Variants in UGT3A2 observed in about 807,000 individuals in gnomAD.
The protein encoded by UGT3A2 is UDP glycosyltransferase family 3 member A2.
A neutral mutation model predicts 39.8 loss-of-function variants in UGT3A2; 32 were observed. The ratio of observed to expected loss-of-function variants is 0.80; its 90% CI spans 0.61 to 1.08. UGT3A2 has a LOEUF of 1.08. UGT3A2 is among the 50% of genes least tolerant of loss of function. The pLI is 0.00. For missense variants in UGT3A2, 611 were observed against 637.1 expected, an observed-to-expected ratio of 0.96 and a Z score of 0.44; for synonymous variants, 241 against 230.7, an observed-to-expected ratio of 1.04 and a Z score of -0.40.
At chr5:36,039,368 A>G in intron 5 of UGT3A2, 109 bp downstream of exon 5, 2 of 1,103,226 alleles carry the variant, frequency 1.8e-6, no homozygotes, top group South Asian at 2.8e-5. Context: ...ACTGAGCCTT[A>G]CCTGTACCAT....
chr5:36,035,667 CAAACAGA>C lies in UGT3A2; in HGVS notation c.*24_*30del. Reference sequence around the variant, plus strand: ...CCCTAGAAATGGTGACATCGCCCACCAAACAGACCCCGCCAAGGCTGCACCTGGCCTT... The same window carrying C: ...CCCTAGAAATGGTGACATCGCCCACCCCCCGCCAAGGCTGCACCTGGCCTT... On this transcript the variant is annotated 3_prime_UTR_variant, in exon 7 of 7. Transcript: ENST00000282507. 6.2e-7 allele frequency: 1 copy of C among 1,602,194 alleles called. No homozygotes were observed. Among genetic ancestry groups the C allele is most frequent in the Non-Finnish European group, 8.5e-7 (1 of 1,171,668 alleles).
chr5:36,055,524 G>A (rs947460670), intron 2 of UGT3A2, among the ~76,000 whole-genome samples: 3 of 152,120 alleles, frequency 2.0e-5, no homozygotes, highest in African/African-American at 7.2e-5. Flanking sequence ...GAGCCACTGT[G>A]CCCGGCCTAG....
At chr5:36,042,288 T>C (rs2111705934) in intron 4 of UGT3A2, among the ~76,000 whole-genome samples, 1 of 152,248 alleles carries the variant, frequency 6.6e-6, no homozygotes, top group South Asian at 2.1e-4. Context: ...TTTGTTTCTT[T>C]TTGCAATCAA....
At chr5:36,042,728 G>A (rs762211029) in intron 4 of UGT3A2, among the ~76,000 whole-genome samples, 15 of 151,964 alleles carry the variant, frequency 9.9e-5, no homozygotes, top group Non-Finnish European at 1.9e-4. Flanking sequence ...AAAAAAGAAG[G>A]AGTAGCTATA....
chr5:36,052,011 A>C, intron 2 of UGT3A2, 27 bp from the exon 3 acceptor site: 3 of 1,469,860 alleles, frequency 2.0e-6, no homozygotes, highest in Non-Finnish European at 2.8e-6. Flanking sequence ...GGGTTAAAAA[A>C]AAAGTTAAAT....
chr5:36,049,957 C>G (rs996447804), intron 3 of UGT3A2, among the ~76,000 whole-genome samples: 1 of 152,098 alleles, frequency 6.6e-6, no homozygotes, highest in African/African-American at 2.4e-5. Flanking sequence ...CCAAAAATCT[C>G]AGCCGAAAAT....
chr5:36,037,647 G>T, intron 6 of UGT3A2, 150 bp downstream of exon 6: 1 of 763,600 alleles, frequency 1.3e-6, no homozygotes, highest in Non-Finnish European at 2.1e-6. Flanking sequence ...GTCAGCTGTT[G>T]GCATCACACA....
intron 4 of UGT3A2, among the ~76,000 whole-genome samples, chr5:36,042,094 A>ACT (rs1742026773): frequency 6.6e-6 from 1 of 152,058 alleles, no homozygotes; most frequent in South Asian, 2.1e-4. Flanking sequence ...GAAATTCTGG[A>ACT]GTTGAAAATG....
At chr5:36,056,049 T>G (rs1030652543) in intron 2 of UGT3A2, among the ~76,000 whole-genome samples, 2 of 152,236 alleles carry the variant, frequency 1.3e-5, no homozygotes, top group African/African-American at 4.8e-5. Flanking sequence ...CACACATCTT[T>G]ACGAGATAGT....
chr5:36,041,619 G>A (rs1561490077), intron 4 of UGT3A2, among the ~76,000 whole-genome samples: 1 of 152,130 alleles, frequency 6.6e-6, no homozygotes, highest in Non-Finnish European at 1.5e-5. Context: ...AATTCTCCTG[G>A]CTCTTACCTA....
At chr5:36,051,573 G>A (rs1158110286) in intron 3 of UGT3A2, among the ~76,000 whole-genome samples, 2 of 152,190 alleles carry the variant, frequency 1.3e-5, no homozygotes, top group Non-Finnish European at 2.9e-5. Context: ...GGAAGTCCCA[G>A]AAGAAACAAT....
At chr5:36,055,635 T>A (rs1399469750) in intron 2 of UGT3A2, among the ~76,000 whole-genome samples, 1 of 152,184 alleles carries the variant, frequency 6.6e-6, no homozygotes, top group Admixed American at 6.5e-5. Context: ...ACCATTAAAA[T>A]CTTTTATCTG....
chr5:36,047,270 T>C (rs1320978646), intron 4 of UGT3A2, among the ~76,000 whole-genome samples: 1 of 152,220 alleles, frequency 6.6e-6, no homozygotes, highest in Non-Finnish European at 1.5e-5. Flanking sequence ...CCCAACCACC[T>C]TGGGCACATG....
intron 3 of UGT3A2, among the ~76,000 whole-genome samples, chr5:36,049,782 T>A (rs1742284210): frequency 6.6e-6 from 1 of 152,034 alleles, no homozygotes; most frequent in Admixed American, 6.6e-5. Context: ...ACACATGGAG[T>A]TTTTATGAGT....
intron 2 of UGT3A2, among the ~76,000 whole-genome samples, chr5:36,058,293 T>A (rs756419924): frequency 6.6e-6 from 1 of 152,312 alleles, no homozygotes; most frequent in African/African-American, 2.4e-5. Flanking sequence ...TATTGTATCA[T>A]TTCACTTATA....
chr5:36,057,373 C>A (rs1205330937), intron 2 of UGT3A2, among the ~76,000 whole-genome samples: 2 of 152,106 alleles, frequency 1.3e-5, no homozygotes, highest in East Asian at 3.9e-4. Context: ...TCAGAGACAT[C>A]CATGATGAGG....
chr5:36,040,434 T>A (rs1580997608), intron 4 of UGT3A2, among the ~76,000 whole-genome samples: 1 of 152,154 alleles, frequency 6.6e-6, no homozygotes, highest in East Asian at 1.9e-4. Context: ...CAATCACCAT[T>A]CCTGGTTTTA....
At chr5:36,045,308 A>G (rs1306047456) in intron 4 of UGT3A2, among the ~76,000 whole-genome samples, 3 of 152,222 alleles carry the variant, frequency 2.0e-5, no homozygotes, top group African/African-American at 7.2e-5. Context: ...TCTATATCTC[A>G]TCATATACAA....
intron 6 of UGT3A2, among the ~76,000 whole-genome samples, chr5:36,036,424 T>A (rs1473411480): frequency 1.3e-5 from 2 of 152,220 alleles, no homozygotes; most frequent in Admixed American, 6.5e-5. Flanking sequence ...TGCATATTTG[T>A]ACCACATAAT....
Sources: gnomAD v4.1 joint callset for allele counts (sites outside exome capture counted in the v4.1 genomes callset) on GRCh38, gnomAD v4.1.1 for gene constraint, MANE v1.5 for transcripts, NCBI Gene and HGNC (gene_info 2026-07-23, HGNC 2026-07-21) for gene names.